Variants in PEX5 observed in about 807,000 individuals in gnomAD.
The protein encoded by PEX5 is PTS1 receptor.
PEX5 carries 52 observed loss-of-function variants against 82.9 expected under a neutral mutation model. The observed-to-expected ratio is 0.63, with a 90% CI of 0.50 to 0.79. The LOEUF (loss-of-function observed/expected upper bound fraction) is 0.79. PEX5 is among the 30% of genes least tolerant of loss of function. The pLI is 0.00. For synonymous variants in PEX5, 300 were observed against 318.8 expected (o/e 0.94, Z 0.63); for missense variants, 719 against 815.2 (o/e 0.88, Z 1.44).
intron 6 of PEX5, among the ~76,000 whole-genome samples, chr12:7,201,326 C>T (rs1276760797): frequency 5.5e-4 from 13 of 23,552 alleles, no homozygotes; most frequent in African/African-American, 1.1e-3. Context: ...TATATACATA[C>T]ACACATACAC....
In PEX5 at chr12:7,197,039, CATATA is replaced by C. The variant is rs1287313523; in HGVS notation, c.449-1969_449-1965del. ...ACATATAATGTAATTATATATGTCACATATAATGTAATTATATATGTCACATATAA... is the reference window on the plus strand; with the variant it reads ...ACATATAATGTAATTATATATGTCACATGTAATTATATATGTCACATATAA... On this transcript the variant is annotated intron_variant, in intron 5 of 15. Coordinates refer to ENST00000675855, the MANE Select transcript of PEX5 (RefSeq NM_001351132.2). 8.0e-5 allele frequency among the ~76,000 whole-genome samples: 2 copies of C among 24,928 alleles called. 1 individual carries two copies. Among genetic ancestry groups the C allele is most frequent in the African/African-American group, 1.7e-4 (2 of 11,444 alleles). The allele number at this position is 24,928 out of a possible 152,430, so 16.4% of individuals were successfully genotyped here.
Position 7,194,912 on chromosome 12 carries a change from A to T in PEX5, c.448+3212A>T, listed in dbSNP as rs746486402. ...TTGCCATGAGCAGACTAATGATAAT[A>T]ACTAACATTTGTTACTGTATTCATT... On this transcript the variant is annotated intron_variant, in intron 5 of 15. Coordinates refer to ENST00000675855, the MANE Select transcript of PEX5 (RefSeq NM_001351132.2). 4.6e-5 allele frequency among the ~76,000 whole-genome samples: 7 copies of T among 152,334 alleles called. No homozygotes were observed. The South Asian group carries it at 1.4e-3, about 32-fold the overall frequency.
At chr12:7,190,137 C>T (rs1201713476) in intron 1 of PEX5, 2 of 1,485,716 alleles carry the variant, frequency 1.3e-6, no homozygotes, top group Non-Finnish European at 8.9e-7. Context: ...GAGGCCTCTG[C>T]AGAGGCGCAG....
At position 7,201,751 on chromosome 12, in the gene PEX5, G is replaced by A. The variant is rs1419213790; in HGVS notation, c.552G>A (p.Trp184Ter). Residue 184 changes from tryptophan (W) to a stop codon, truncating the protein, a stop_gained and splice_region_variant, in exon 7 of 16, where the codon TGG becomes TGA. Coordinates refer to ENST00000675855, the MANE Select transcript of PEX5 (RefSeq NM_001351132.2). LOFTEE classifies it high-confidence loss of function. ...TAAAATTAGTTCTTACCCGTTCCAGGTATGATGAATATCATCCTGAGGAGG... is the reference window on the plus strand; with the variant it reads ...TAAAATTAGTTCTTACCCGTTCCAGATATGATGAATATCATCCTGAGGAGG... ...GEPEGTATDR[W>*]YDEYHPEEDL... 1.9e-6 allele frequency: 3 copies of A among 1,610,766 alleles called. No individual in the cohort carries two copies. Among genetic ancestry groups the A allele is most frequent in the Middle Eastern group, 1.7e-4 (1 of 5,988 alleles).
At chr12:7,208,770 G>T in intron 13 of PEX5, 101 bp downstream of exon 13, 1 of 1,058,588 alleles carries the variant, frequency 9.4e-7, no homozygotes, top group South Asian at 1.3e-5. Context: ...AGACTGAAGG[G>T]TCCTGAGAAT....
rs1221535550 is a variant in PEX5, at chr12:7,207,720, T to C, written c.1028T>C (p.Leu343Pro). 1 of 1,614,092 alleles carries C rather than the reference T, an allele frequency of 6.2e-7. No homozygotes were observed. The highest frequency in any genetic ancestry group is 8.5e-7 in the Non-Finnish European group (1 of 1,179,968). Residue 343 changes from leucine to proline, a missense_variant, in exon 11 of 16, where the codon CTG becomes CCG. By Grantham distance (98) the Leu-to-Pro change is moderately conservative (BLOSUM62 -3). Transcript: ENST00000675855. ...RDHPQPFEEG[L>P]RRLQEGDLPN... ...CACCCTCAGCCTTTTGAAGAAGGGCTGCGGCGCCTTCAGGAGGGGGACCTG... is the reference window on the plus strand; with the variant it reads ...CACCCTCAGCCTTTTGAAGAAGGGCCGCGGCGCCTTCAGGAGGGGGACCTG...
chr12:7,215,440 CAT>C (rs1479482635), downstream of PEX5, among the ~76,000 whole-genome samples: 2 of 152,180 alleles, frequency 1.3e-5, no homozygotes, highest in African/African-American at 2.4e-5. Context: ...CACATGCACT[CAT>C]ATGTTCATTG....
At chr12:7,203,717 A>G (rs982855644) in intron 10 of PEX5, among the ~76,000 whole-genome samples, 166 bp downstream of exon 10, 2 of 152,232 alleles carry the variant, frequency 1.3e-5, no homozygotes, top group African/African-American at 2.4e-5. Flanking sequence ...GATTGAGTAT[A>G]AACTTTATTC....
chr12:7,197,240 AATTAT>A (rs1171851060), intron 5 of PEX5, among the ~76,000 whole-genome samples: 3,672 of 23,042 alleles, frequency 0.16, 429 homozygotes, highest in Non-Finnish European at 0.22. Context: ...CATATGTAAT[AATTAT>A]ATGTCATATG....
chr12:7,209,146 A>G lies in PEX5; in HGVS notation c.1536A>G (p.Thr512=), dbSNP rs898571980. 10 of 1,613,894 alleles carry G rather than the reference A, an allele frequency of 6.2e-6. No homozygotes were observed. The highest frequency in any genetic ancestry group is 1.3e-5 in the African/African-American group (1 of 74,880). Residue 512 remains threonine (T), a synonymous_variant, in exon 14 of 16, where the codon ACA becomes ACG. Coordinates refer to ENST00000675855, the MANE Select transcript of PEX5 (RefSeq NM_001351132.2). The part of the protein sequence containing the change: ...GEYDKAVDCF[T]AALSVRPNDY... Reference sequence around the variant, plus strand: ...ATGACAAGGCCGTGGACTGCTTCACAGCTGCCCTCAGCGTTCGTCCCAATG... The same window carrying G: ...ATGACAAGGCCGTGGACTGCTTCACGGCTGCCCTCAGCGTTCGTCCCAATG...
At chr12:7,207,295 G>T (rs1944922932) in intron 10 of PEX5, among the ~76,000 whole-genome samples, 2 of 152,108 alleles carry the variant, frequency 1.3e-5, no homozygotes, top group Admixed American at 1.3e-4. Flanking sequence ...CATAGCTAGG[G>T]ACACTTTGTC....
intron 9 of PEX5, among the ~76,000 whole-genome samples, chr12:7,203,152 C>CT (rs956648534): frequency 8.4e-5 from 6 of 71,338 alleles, no homozygotes; most frequent in African/African-American, 2.5e-4. Context: ...GAGTGAAACT[C>CT]TGTCTCAAAC....
rs1353469507 is a variant in PEX5, at chr12:7,196,254, TTA to T, written c.449-2751_449-2750del. On this transcript the variant is annotated intron_variant, in intron 5 of 15. Coordinates refer to ENST00000675855, the MANE Select transcript of PEX5 (RefSeq NM_001351132.2). ...TAATTTAATTATATGTCATATTTAA[TTA>T]TATATGTCATAATTTATATATGTCA... Among the ~76,000 whole-genome samples, 123 of 16,384 alleles carry T rather than the reference TTA, an allele frequency of 7.5e-3. 2 individuals are homozygous for T. The highest frequency in any genetic ancestry group is 0.017 in the Non-Finnish European group (87 of 5,208). 10.7% of individuals were successfully genotyped at this position (16,384 alleles called of 152,430 possible).
At position 7,210,361 on chromosome 12, in the gene PEX5, G is replaced by A. The variant is rs1310828952; in HGVS notation, c.*138G>A. The A allele has an allele frequency of 1.7e-5, 13 of 750,300 alleles. No individual in the cohort carries two copies. The highest frequency in any genetic ancestry group is 3.4e-5 in the African/African-American group (2 of 58,332). 46.5% of individuals were successfully genotyped at this position (750,300 alleles called of 1,614,324 possible). ...ACGGCCTTTCAGGAGCTGCCTCAACGTAGGGGTGGGTAGTCTGTGTTCTAG... is the reference window on the plus strand; with the variant it reads ...ACGGCCTTTCAGGAGCTGCCTCAACATAGGGGTGGGTAGTCTGTGTTCTAG... On this transcript the variant is annotated 3_prime_UTR_variant, in exon 16 of 16. Coordinates refer to ENST00000675855, the MANE Select transcript of PEX5 (RefSeq NM_001351132.2).
At chr12:7,207,495 C>A (rs1375148182) in intron 10 of PEX5, among the ~76,000 whole-genome samples, 164 bp from the exon 11 acceptor site, 1 of 152,168 alleles carries the variant, frequency 6.6e-6, no homozygotes, top group Non-Finnish European at 1.5e-5. Context: ...AATGATTTTA[C>A]TTGTGTCATA....
chr12:7,207,598 A>C lies in PEX5; in HGVS notation c.967-61A>C, dbSNP rs1944970236. 1.0e-5 allele frequency: 16 copies of C among 1,570,136 alleles called. No homozygotes were observed. The East Asian group carries it at 3.6e-4, about 35-fold the overall frequency. ...TCTCTGCCTGCTGGTTGTCATCCTC[A>C]CATCCCTGCTGTTCTGACGGTGCCA... On this transcript the variant is annotated intron_variant, in intron 10 of 15. Transcript: ENST00000675855.
At chr12:7,201,609 A>G (rs1591751937) in intron 6 of PEX5, 142 bp from the exon 7 acceptor site, 1 of 716,118 alleles carries the variant, frequency 1.4e-6, no homozygotes. Flanking sequence ...TCCTTCTATA[A>G]TGCAAATTGG....
At position 7,190,265 on chromosome 12, in the gene PEX5, C is replaced by T. The variant is rs940908531; in HGVS notation, c.-16-97C>T. On this transcript the variant is annotated intron_variant, in intron 1 of 15. Coordinates refer to ENST00000675855, the MANE Select transcript of PEX5 (RefSeq NM_001351132.2). ...GGGGTGGAGGGCGGCCAGTGTGGGG[C>T]AGACGCCTGTGTGCCTTCCTCAGAT... The T allele has an allele frequency of 1.1e-4, 171 of 1,591,174 alleles. No homozygotes were observed. The Middle Eastern group carries it at 1.3e-3, about 12-fold the overall frequency.
chr12:7,218,127 A>T (rs1362695967), intron 17 of PEX5, among the ~76,000 whole-genome samples: 1 of 152,186 alleles, frequency 6.6e-6, no homozygotes, highest in East Asian at 1.9e-4. Flanking sequence ...GACACACTGC[A>T]AAGAGATGTG....
Sources: gnomAD v4.1 joint callset for allele counts (sites outside exome capture counted in the v4.1 genomes callset) on GRCh38, gnomAD v4.1.1 for gene constraint, MANE v1.5 for transcripts, NCBI Gene and HGNC (gene_info 2026-07-23, HGNC 2026-07-21) for gene names.